The following STMN4 variants were observed in gnomAD, a reference collection of about 807,000 sequenced individuals.
STMN4 encodes the protein stathmin-4.
A neutral mutation model predicts 29.1 loss-of-function variants in STMN4; 12 were observed. The observed-to-expected ratio is 0.41, with a 90% CI of 0.26 to 0.67. STMN4 has a LOEUF of 0.67. STMN4 is among the 30% of genes least tolerant of loss of function. STMN4 has a pLI of 0.30. For synonymous variants in STMN4, 114 were observed against 105.3 expected, an observed-to-expected ratio of 1.08 and a Z score of -0.51; for missense variants, 181 against 262.8, an observed-to-expected ratio of 0.69 and a Z score of 2.15.
intron 6 of STMN4, 130 bp from the exon 7 acceptor site, chr8:27,237,035 G>T: frequency 1.1e-6 from 1 of 914,694 alleles, no homozygotes; most frequent in Non-Finnish European, 1.6e-6. Context: ...GTCTGCAAAG[G>T]CATCCCGAGA....
chr8:27,242,312 G>A (rs952839932), intron 3 of STMN4, 85 bp downstream of exon 3: 3 of 1,304,530 alleles, frequency 2.3e-6, no homozygotes, highest in East Asian at 2.3e-5. Context: ...AGAGATTCAC[G>A]GGACTGGGGT....
chr8:27,239,342 G>T, intron 6 of STMN4: 1 of 1,520,664 alleles, frequency 6.6e-7, no homozygotes, highest in South Asian at 1.2e-5. Context: ...GGGCGGCCTT[G>T]AGACTCAGGA....
At position 27,240,000 on chromosome 8, in the gene STMN4, C is replaced by T. The variant is rs780344401; in HGVS notation, c.562G>A (p.Ala188Thr). ...SNKENREAHLAAMLERLQEKD... is the reference protein window; with the variant it reads ...SNKENREAHLTAMLERLQEKD... ...TCTTGCAGCCGTTCCAACATGGCGG[C>T]GAGGTGGGCCTCCCTGTTCTCCTTG... The change falls in exon 6 of 7, where the codon GCC becomes ACC. Residue 188 changes from alanine to threonine, a missense_variant. Transcript: ENST00000350889. The T allele has an allele frequency of 3.1e-5, 50 of 1,614,086 alleles. No homozygotes were observed. Among genetic ancestry groups the T allele is most frequent in the Non-Finnish European group, 3.8e-5 (45 of 1,180,050 alleles).
At position 27,241,862 on chromosome 8, in the gene STMN4, T is replaced by A; in HGVS notation, c.110-105A>T. ...CTAACCAGGACATTAGGAGGTGACC[T>A]GGTCCCCGAGCACCCCTGGTGAGGA... On this transcript the variant is annotated intron_variant, in intron 3 of 6. Transcript: ENST00000350889. 12 of 1,385,216 alleles carry A rather than the reference T, an allele frequency of 8.7e-6. No individual in the cohort carries two copies. The South Asian group carries it at 1.3e-4, about 15-fold the overall frequency. The allele number at this position is 1,385,216 out of a possible 1,614,324, so 85.8% of individuals were successfully genotyped here. A position where few individuals can be genotyped will look rare whatever the true frequency, so the allele number is the denominator to read the frequency against.
intron 1 of STMN4, among the ~76,000 whole-genome samples, chr8:27,256,952 TC>T (rs1801959038): frequency 6.6e-6 from 1 of 152,104 alleles, no homozygotes; most frequent in Non-Finnish European, 1.5e-5. Context: ...TCCTGCTCAC[TC>T]CAGAGCTGTT....
At chr8:27,251,299 CATATA>C (rs1045416922) in intron 1 of STMN4, among the ~76,000 whole-genome samples, 9 of 111,214 alleles carry the variant, frequency 8.1e-5, no homozygotes, top group African/African-American at 2.7e-4. Flanking sequence ...TATATATATA[CATATA>C]ATATTATATA....
At chr8:27,246,835 T>C (rs1801636955) in intron 1 of STMN4, among the ~76,000 whole-genome samples, 1 of 152,122 alleles carries the variant, frequency 6.6e-6, no homozygotes. Context: ...TCCCGGTTAG[T>C]GGTAAAGTGA....
intron 5 of STMN4, 113 bp from the exon 6 acceptor site, chr8:27,240,275 G>T: frequency 8.7e-7 from 1 of 1,154,004 alleles, no homozygotes; most frequent in South Asian, 1.6e-5. Context: ...CCTGGGCCTG[G>T]TCCCCAGACC....
At chr8:27,254,347 G>C (rs143404388) in intron 1 of STMN4, among the ~76,000 whole-genome samples, 26 of 152,182 alleles carry the variant, frequency 1.7e-4, no homozygotes, top group African/African-American at 6.0e-4. Flanking sequence ...CTAGATCTGC[G>C]CTCAGCTCCT....
At chr8:27,242,187 T>C (rs930148582) in intron 3 of STMN4, 2 of 596,242 alleles carry the variant, frequency 3.4e-6, no homozygotes, top group African/African-American at 3.7e-5. Flanking sequence ...GGGGGGCGCC[T>C]GATGCAGACC....
intron 3 of STMN4, 60 bp from the exon 4 acceptor site, chr8:27,241,817 A>C: frequency 6.3e-7 from 1 of 1,594,828 alleles, no homozygotes; most frequent in Middle Eastern, 1.7e-4. Context: ...TGCCAGACCA[A>C]ACCAAACCCA....
intron 6 of STMN4, chr8:27,239,672 G>C: frequency 1.4e-6 from 2 of 1,425,126 alleles, no homozygotes; most frequent in Non-Finnish European, 1.8e-6. Flanking sequence ...CTACTCCTTT[G>C]TATTAGACAG....
chr8:27,256,774 T>C (rs1385909524), intron 1 of STMN4, among the ~76,000 whole-genome samples: 1 of 152,186 alleles, frequency 6.6e-6, no homozygotes, highest in African/African-American at 2.4e-5. Context: ...GGTCTCAGCC[T>C]TCAGTTAAAA....
rs1266196789 is a variant in STMN4 at position 27,236,165 on chromosome 8, A to AGGC, written c.*678_*680dup. 3.3e-5 allele frequency: 5 copies of AGGC among 152,370 alleles called. No individual in the cohort carries two copies. The highest frequency in any genetic ancestry group is 1.2e-4 in the African/African-American group (5 of 41,592). The allele number at this position is 152,370 out of a possible 1,614,324, so 9.4% of individuals were successfully genotyped here. On this transcript the variant is annotated 3_prime_UTR_variant, in exon 7 of 7. Transcript: ENST00000350889. ...TGGCCTGATTCAACCCACCTCACCC[A>AGGC]GGCTCCAGATGCTTGAATGGCAGAA...
intron 4 of STMN4, 117 bp downstream of exon 4, chr8:27,241,560 G>A: frequency 7.9e-7 from 1 of 1,273,494 alleles, no homozygotes; most frequent in Non-Finnish European, 1.1e-6. Context: ...TGACTGCTGA[G>A]CTGCTCAATT....
At chr8:27,253,104 A>G (rs957681105) in intron 1 of STMN4, among the ~76,000 whole-genome samples, 1 of 152,244 alleles carries the variant, frequency 6.6e-6, no homozygotes, top group African/African-American at 2.4e-5. Context: ...GGAGCTCTCT[A>G]GAGTTTCCAT....
At chr8:27,240,950 C>A (rs559011467) in intron 5 of STMN4, 104 bp downstream of exon 5, 2 of 1,131,434 alleles carry the variant, frequency 1.8e-6, no homozygotes, top group African/African-American at 1.6e-5. Context: ...CTAAATATTG[C>A]AGATTGGTGA....
At chr8:27,254,659 G>T (rs1801888035) in intron 1 of STMN4, among the ~76,000 whole-genome samples, 1 of 148,292 alleles carries the variant, frequency 6.7e-6, no homozygotes, top group Non-Finnish European at 1.5e-5. Flanking sequence ...GGAGTGTTCA[G>T]ATGTGGGGGT....
rs113959009 is a variant in STMN4, at chr8:27,247,124, G to T, written c.-78-3323C>A. On this transcript the variant is annotated intron_variant, in intron 1 of 6. Transcript: ENST00000350889. Reference sequence around the variant, plus strand: ...ACAAAAATTAGCCCGGCATGGTGGCGCATGCCTGTAATCTCAGCTACTAGG... The same window carrying T: ...ACAAAAATTAGCCCGGCATGGTGGCTCATGCCTGTAATCTCAGCTACTAGG... 8.3e-3 allele frequency among the ~76,000 whole-genome samples: 1,268 copies of T among 152,018 alleles called. 14 individuals are homozygous for T. The highest frequency in any genetic ancestry group is 0.017 in the Middle Eastern group (5 of 294).
Sources: allele counts gnomAD v4.1 joint callset (sites outside exome capture counted in the v4.1 genomes callset), GRCh38; gene constraint gnomAD v4.1.1; transcripts MANE v1.5; gene names NCBI Gene and HGNC (gene_info 2026-07-23, HGNC 2026-07-21).